ANKS1B: variants seen among roughly 807,000 people sequenced by gnomAD.
ANKS1B encodes the protein ankyrin repeat and sterile alpha motif domain containing 1B, also known as ankyrin repeat and sterile alpha motif domain-containing protein 1B.
In ANKS1B, 36 loss-of-function variants were observed where a neutral mutation model predicts 148.3. That is an observed-to-expected ratio of 0.24 (90% CI 0.19 to 0.32). The LOEUF (loss-of-function observed/expected upper bound fraction) is 0.32, where lower values mean the gene tolerates loss of function less well. ANKS1B is among the 10% of genes least tolerant of loss of function. ANKS1B has a pLI of 1.00. For synonymous variants in ANKS1B, 542 were observed against 560.8 expected (o/e 0.97, Z 0.47); for missense variants, 1,157 against 1,542.6 (o/e 0.75, Z 4.19).
chr12:99,022,244 C>A (rs539033495), intron 17 of ANKS1B, among the ~76,000 whole-genome samples: 1 of 151,782 alleles, frequency 6.6e-6, no homozygotes, highest in African/African-American at 2.4e-5. Context: ...CACAACTGAA[C>A]CTTCATTGTG....
At chr12:99,936,387 CTGTAA>C (rs1359446276) in intron 1 of ANKS1B, among the ~76,000 whole-genome samples, 2 of 152,190 alleles carry the variant, frequency 1.3e-5, no homozygotes, top group African/African-American at 4.8e-5. Context: ...TGGCTCACAC[CTGTAA>C]TCCCAGCACT....
chr12:98,861,868 C>A (rs1398145670), intron 17 of ANKS1B, among the ~76,000 whole-genome samples: 1 of 152,182 alleles, frequency 6.6e-6, no homozygotes, highest in Non-Finnish European at 1.5e-5. Flanking sequence ...TTTCCCACCA[C>A]AAATCACAGT....
intron 14 of ANKS1B, among the ~76,000 whole-genome samples, chr12:99,191,269 T>C (rs549785317): frequency 2.6e-4 from 40 of 152,302 alleles, no homozygotes; most frequent in African/African-American, 9.1e-4. Context: ...AGTTCAACCA[T>C]TGTGGAAGAC....
chr12:99,338,939 G>T (rs761062438), intron 12 of ANKS1B, among the ~76,000 whole-genome samples: 8 of 152,040 alleles, frequency 5.3e-5, no homozygotes, highest in African/African-American at 1.9e-4. Flanking sequence ...CTCCCATCTC[G>T]TCTCCTAAAG....
intron 17 of ANKS1B, among the ~76,000 whole-genome samples, chr12:98,955,582 G>A (rs1446543991): frequency 6.6e-6 from 1 of 152,182 alleles, no homozygotes; most frequent in Non-Finnish European, 1.5e-5. Context: ...AGGCAGCCGT[G>A]GAAGAGGTGA....
At chr12:99,246,253 C>T in intron 13 of ANKS1B, 22 bp downstream of exon 13, 2 of 1,513,780 alleles carry the variant, frequency 1.3e-6, no homozygotes, top group South Asian at 1.3e-5. Flanking sequence ...ATAGGATGAA[C>T]AGCAAGAAGA....
At chr12:98,867,386 C>A (rs57945485) in intron 17 of ANKS1B, among the ~76,000 whole-genome samples, 1 of 152,176 alleles carries the variant, frequency 6.6e-6, no homozygotes, top group Non-Finnish European at 1.5e-5. Context: ...ATTTCCTACA[C>A]GTGACAACAA....
chr12:99,639,194 C>T (rs933269728), intron 9 of ANKS1B, among the ~76,000 whole-genome samples: 1 of 152,222 alleles, frequency 6.6e-6, no homozygotes, highest in Non-Finnish European at 1.5e-5. Flanking sequence ...GGTTTAATGA[C>T]TACCCTATTG....
chr12:98,961,957 A>G (rs1464599211), intron 17 of ANKS1B, among the ~76,000 whole-genome samples: 1 of 152,074 alleles, frequency 6.6e-6, no homozygotes, highest in African/African-American at 2.4e-5. Context: ...ACATACCACC[A>G]GAGAAAATCA....
chr12:99,974,851 G>A (rs2095606692), intron 1 of ANKS1B, among the ~76,000 whole-genome samples: 1 of 152,100 alleles, frequency 6.6e-6, no homozygotes, highest in African/African-American at 2.4e-5. Flanking sequence ...CACTGTGCCT[G>A]GCCCACAAAT....
chr12:99,468,536 C>T (rs1441901296), intron 10 of ANKS1B, among the ~76,000 whole-genome samples: 2 of 152,148 alleles, frequency 1.3e-5, no homozygotes, highest in Non-Finnish European at 2.9e-5. Flanking sequence ...TCGCAACCTA[C>T]TCGTCTGACA....
At chr12:99,875,987 T>C (rs151260546) in intron 1 of ANKS1B, among the ~76,000 whole-genome samples, 168 of 152,266 alleles carry the variant, frequency 1.1e-3, no homozygotes, top group African/African-American at 3.9e-3. Flanking sequence ...ACATTTTCAA[T>C]TTCTTAGGGA....
intron 15 of ANKS1B, among the ~76,000 whole-genome samples, chr12:99,093,814 T>C (rs2054941208): frequency 6.6e-6 from 1 of 151,894 alleles, no homozygotes. Flanking sequence ...GAGAACTACA[T>C]TCAGAAATAG....
At chr12:99,264,431 C>T (rs1254611379) in intron 12 of ANKS1B, among the ~76,000 whole-genome samples, 1 of 151,928 alleles carries the variant, frequency 6.6e-6, no homozygotes, top group Non-Finnish European at 1.5e-5. Flanking sequence ...GTATTTTTTG[C>T]CTTCTTTACA....
At chr12:99,231,973 T>C (rs767241470) in intron 14 of ANKS1B, among the ~76,000 whole-genome samples, 1 of 152,022 alleles carries the variant, frequency 6.6e-6, no homozygotes, top group Non-Finnish European at 1.5e-5. Flanking sequence ...CCTTAGTGAG[T>C]TCCTAAGGTC....
intron 10 of ANKS1B, among the ~76,000 whole-genome samples, chr12:99,489,980 G>A (rs1445365413): frequency 1.3e-5 from 2 of 152,180 alleles, no homozygotes; most frequent in Non-Finnish European, 2.9e-5. Context: ...GGCTAAATCT[G>A]ATAGTTAAAT....
chr12:99,817,002 C>T (rs983271597), intron 2 of ANKS1B, among the ~76,000 whole-genome samples: 2 of 151,548 alleles, frequency 1.3e-5, no homozygotes, highest in African/African-American at 4.8e-5. Flanking sequence ...TCCATTACCT[C>T]AAAGGTTTAT....
At chr12:99,659,782 G>A (rs2098467334) in intron 8 of ANKS1B, among the ~76,000 whole-genome samples, 1 of 152,026 alleles carries the variant, frequency 6.6e-6, no homozygotes, top group Non-Finnish European at 1.5e-5. Flanking sequence ...TATTTTACAA[G>A]TGAAAAAAAC....
In ANKS1B at chr12:99,119,485, G is replaced by A. The variant is rs558788550; in HGVS notation, c.2527-34462C>T. Reference sequence around the variant, plus strand: ...CAGCAGCCATGGGAAACTAAATTAAGCATCCAACCATTGAACTAATATACT... The same window carrying A: ...CAGCAGCCATGGGAAACTAAATTAAACATCCAACCATTGAACTAATATACT... On this transcript the variant is annotated intron_variant, in intron 15 of 26. Transcript: ENST00000683438. Among the ~76,000 whole-genome samples the A allele has an allele frequency of 3.3e-5, 5 of 152,270 alleles. 1 individual carries two copies. The highest frequency in any genetic ancestry group is 2.1e-4 in the South Asian group (1 of 4,816).
Sources: gnomAD v4.1 joint callset for allele counts (sites outside exome capture counted in the v4.1 genomes callset) on GRCh38, gnomAD v4.1.1 for gene constraint, MANE v1.5 for transcripts, NCBI Gene and HGNC (gene_info 2026-07-23, HGNC 2026-07-21) for gene names.